KCNC2: variants seen among roughly 807,000 people sequenced by gnomAD.
KCNC2 encodes voltage-gated potassium channel KCNC2.
Under a neutral mutation model 44.5 loss-of-function variants are expected in KCNC2, and 21 were observed. That is an observed-to-expected ratio of 0.47 (90% CI 0.33 to 0.68). The LOEUF is 0.68. KCNC2 is among the 30% of genes least tolerant of loss of function. The pLI is 0.01. For synonymous variants in KCNC2, 391 were observed against 339.1 expected, an observed-to-expected ratio of 1.15 and a Z score of -1.68; for missense variants, 589 against 826.2, an observed-to-expected ratio of 0.71 and a Z score of 3.52.
At chr12:75,059,183 T>C (rs1253085953) in intron 2 of KCNC2, among the ~76,000 whole-genome samples, 1 of 152,082 alleles carries the variant, frequency 6.6e-6, no homozygotes, top group Non-Finnish European at 1.5e-5. Context: ...CTATAAGAGA[T>C]TGATTGATTG....
chr12:75,043,165 T>C lies in KCNC2; in HGVS notation c.1857A>G (p.Ser619=). The change falls in exon 5 of 5, where the codon TCA becomes TCG. Residue 619 remains serine, a synonymous_variant. Transcript: ENST00000549446. ...GNALRLSPVT[S]PYNSPCPLRR... ...TCAGAGGACAAGGAGAGTTGTAGGGTGATGTTACTGGAGAGAGCCTCAGAG... is the reference window on the plus strand; with the variant it reads ...TCAGAGGACAAGGAGAGTTGTAGGGCGATGTTACTGGAGAGAGCCTCAGAG... The C allele has an allele frequency of 6.2e-7, 1 of 1,612,476 alleles. No homozygotes were observed. The highest frequency in any genetic ancestry group is 8.5e-7 in the Non-Finnish European group (1 of 1,179,016).
chr12:75,193,273 T>C (rs1204029309), intron 2 of KCNC2, among the ~76,000 whole-genome samples: 1 of 152,188 alleles, frequency 6.6e-6, no homozygotes, highest in Non-Finnish European at 1.5e-5. Context: ...ATTATTGGAC[T>C]AGAATACTGA....
At chr12:75,145,744 A>C (rs1202273358) in intron 2 of KCNC2, among the ~76,000 whole-genome samples, 3 of 152,128 alleles carry the variant, frequency 2.0e-5, no homozygotes, top group Non-Finnish European at 4.4e-5. Flanking sequence ...TATATGTACT[A>C]AGATTTTTTG....
rs1300173840 is a variant in KCNC2 at position 75,041,261 on chromosome 12, T to A, written c.*1844A>T. The A allele has an allele frequency of 1.3e-6, 2 of 1,578,826 alleles. No individual in the cohort carries two copies. The highest frequency in any genetic ancestry group is 8.6e-7 in the Non-Finnish European group (1 of 1,168,736). ...CATATTAATTCTTTTACCATAAATT[T>A]GTGTGTAATTATAATGTTCTATGTG... On this transcript the variant is annotated 3_prime_UTR_variant, in exon 5 of 5. Coordinates refer to ENST00000549446, the MANE Select transcript of KCNC2 (RefSeq NM_139137.4).
At chr12:75,057,589 T>C (rs1881879536) in intron 2 of KCNC2, among the ~76,000 whole-genome samples, 1 of 152,012 alleles carries the variant, frequency 6.6e-6, no homozygotes, top group Admixed American at 6.6e-5. Flanking sequence ...ATTACCAAGC[T>C]TGGAAATCAG....
chr12:75,195,954 C>T (rs1254534765), intron 2 of KCNC2, among the ~76,000 whole-genome samples: 25 of 152,098 alleles, frequency 1.6e-4, no homozygotes, highest in Admixed American at 1.6e-3. Flanking sequence ...TTCACAGTAC[C>T]TCAAACAGGA....
chr12:75,060,295 T>G (rs980884098), intron 2 of KCNC2, among the ~76,000 whole-genome samples: 1 of 152,052 alleles, frequency 6.6e-6, no homozygotes, highest in African/African-American at 2.4e-5. Flanking sequence ...TTCTCCCTTC[T>G]CTTCATTCCC....
At chr12:75,126,363 CT>C (rs1346106420) in intron 2 of KCNC2, among the ~76,000 whole-genome samples, 3 of 152,122 alleles carry the variant, frequency 2.0e-5, no homozygotes, top group Admixed American at 2.0e-4. Context: ...CACATATTTA[CT>C]CAACAAATTT....
chr12:75,045,952 A>T (rs1880457114), intron 4 of KCNC2, among the ~76,000 whole-genome samples: 1 of 151,838 alleles, frequency 6.6e-6, no homozygotes, highest in South Asian at 2.1e-4. Context: ...AAATGAAAGG[A>T]TTATATAGAA....
At chr12:75,144,619 T>TG (rs1889883640) in intron 2 of KCNC2, among the ~76,000 whole-genome samples, 2 of 122,154 alleles carry the variant, frequency 1.6e-5, no homozygotes, top group South Asian at 2.6e-4. Flanking sequence ...TGGGTGTACT[T>TG]TTGTGTGTGT....
chr12:75,165,356 C>T (rs1891377427), intron 2 of KCNC2, among the ~76,000 whole-genome samples: 1 of 151,446 alleles, frequency 6.6e-6, no homozygotes, highest in South Asian at 2.1e-4. Context: ...TCCCTCAACT[C>T]CGCTCTTACT....
At chr12:75,072,247 A>G (rs1883492293) in intron 2 of KCNC2, among the ~76,000 whole-genome samples, 1 of 152,206 alleles carries the variant, frequency 6.6e-6, no homozygotes, top group African/African-American at 2.4e-5. Flanking sequence ...AGGGAGAAGA[A>G]CTAAAGTCGC....
intron 2 of KCNC2, among the ~76,000 whole-genome samples, chr12:75,104,940 A>T (rs992655246): frequency 3.3e-5 from 5 of 152,052 alleles, no homozygotes; most frequent in African/African-American, 1.2e-4. Context: ...TATTCAACAA[A>T]TTTTTTTAGT....
Position 75,093,421 on chromosome 12 carries a change from T to C in KCNC2, c.688-42104A>G, listed in dbSNP as rs532030666. 3.3e-5 allele frequency among the ~76,000 whole-genome samples: 5 copies of C among 151,722 alleles called. No homozygotes were observed. In the East Asian group the frequency reaches 9.7e-4, roughly 29 times the overall value. ...GAAGCTAGAGGTCCTGCAAACCTGA[T>C]TCCCTGAGATGCAACATCCCTCCTT... On this transcript the variant is annotated intron_variant, in intron 2 of 4. Coordinates refer to ENST00000549446, the MANE Select transcript of KCNC2 (RefSeq NM_139137.4).
chr12:75,066,757 C>T (rs554242891), intron 2 of KCNC2, among the ~76,000 whole-genome samples: 40 of 152,194 alleles, frequency 2.6e-4, no homozygotes, highest in Non-Finnish European at 4.0e-4. Context: ...TTTAACAAGA[C>T]GTGGTTTTAA....
intron 2 of KCNC2, chr12:75,140,294 G>A (rs1271398148): frequency 1.3e-5 from 2 of 152,022 alleles, no homozygotes; most frequent in Non-Finnish European, 2.9e-5. Context: ...AAAGTAAGTC[G>A]GATGGCCAAA....
chr12:75,076,690 T>G (rs1028351001), intron 2 of KCNC2, among the ~76,000 whole-genome samples: 2 of 152,222 alleles, frequency 1.3e-5, no homozygotes, highest in African/African-American at 4.8e-5. Context: ...TCTAGAATAT[T>G]AGATTCTTGA....
rs111847098 is a variant in KCNC2 at position 75,109,832 on chromosome 12, C to A, written c.688-58515G>T. Among the ~76,000 whole-genome samples the A allele has an allele frequency of 4.3e-3, 658 of 151,990 alleles. 6 individuals carry two copies. Among genetic ancestry groups the A allele is most frequent in the African/African-American group, 0.015 (601 of 41,448 alleles). ...TTCACATAGAGAAGTCTGGTGATAACTTGAAATGAATAAAAGGCAATAAGA... is the reference window on the plus strand; with the variant it reads ...TTCACATAGAGAAGTCTGGTGATAAATTGAAATGAATAAAAGGCAATAAGA... On this transcript the variant is annotated intron_variant, in intron 2 of 4. Transcript: ENST00000549446.
intron 2 of KCNC2, among the ~76,000 whole-genome samples, chr12:75,136,200 C>T (rs190052585): frequency 1.2e-4 from 19 of 152,046 alleles, no homozygotes; most frequent in Admixed American, 1.0e-3. Flanking sequence ...TAAGAGGGAA[C>T]ATTATAGCAT....
Sources: allele counts gnomAD v4.1 joint callset (sites outside exome capture counted in the v4.1 genomes callset), GRCh38; gene constraint gnomAD v4.1.1; transcripts MANE v1.5; gene names NCBI Gene and HGNC (gene_info 2026-07-23, HGNC 2026-07-21).